Variants in NECAB1 observed in about 807,000 individuals in gnomAD.
The protein encoded by NECAB1 is N-terminal EF-hand calcium-binding protein 1.
In NECAB1, 29 loss-of-function variants were observed where a neutral mutation model predicts 57.5. The observed-to-expected ratio is 0.50, with a 90% confidence interval of 0.38 to 0.69. NECAB1 has a LOEUF of 0.69. Ranked by LOEUF, NECAB1 falls within the 30% of genes least tolerant of loss-of-function variation. The pLI is 0.00. For missense variants in NECAB1, 372 were observed against 413.8 expected, an observed-to-expected ratio of 0.90 and a Z score of 0.88; for synonymous variants, 142 against 147.7, an observed-to-expected ratio of 0.96 and a Z score of 0.28.
intron 2 of NECAB1, among the ~76,000 whole-genome samples, chr8:90,821,922 T>C (rs151237504): frequency 9.5e-4 from 145 of 151,962 alleles, no homozygotes; most frequent in African/African-American, 3.0e-3. Flanking sequence ...ATCCCAAGAC[T>C]GTGGTCTAAG....
chr8:90,890,601 A>T (rs1452305777), intron 5 of NECAB1, among the ~76,000 whole-genome samples: 1 of 152,224 alleles, frequency 6.6e-6, no homozygotes, highest in African/African-American at 2.4e-5. Context: ...GCCAAAACAC[A>T]TATAACAAGA....
chr8:90,795,374 C>G (rs1051585512), intron 1 of NECAB1, among the ~76,000 whole-genome samples: 3 of 152,138 alleles, frequency 2.0e-5, no homozygotes, highest in Non-Finnish European at 4.4e-5. Flanking sequence ...AGTGACTGTT[C>G]CCCACTTCAC....
At chr8:90,876,009 CAAA>C (rs1325041330) in intron 4 of NECAB1, among the ~76,000 whole-genome samples, 1 of 151,746 alleles carries the variant, frequency 6.6e-6, no homozygotes, top group Non-Finnish European at 1.5e-5. Flanking sequence ...GACTCTGTCT[CAAA>C]AAATAATAAT....
At chr8:90,938,370 T>C (rs892330300) in intron 9 of NECAB1, among the ~76,000 whole-genome samples, 7 of 152,194 alleles carry the variant, frequency 4.6e-5, no homozygotes, top group African/African-American at 1.7e-4. Context: ...GACAGAGTGC[T>C]CTGAGCTAAC....
chr8:90,935,666 T>G (rs943307219), intron 9 of NECAB1, among the ~76,000 whole-genome samples: 6 of 152,264 alleles, frequency 3.9e-5, no homozygotes, highest in Middle Eastern at 6.8e-3. Context: ...TTATCTAATG[T>G]TGTGAGAGAT....
At chr8:90,824,513 A>T (rs1398242291) in intron 2 of NECAB1, among the ~76,000 whole-genome samples, 1 of 151,872 alleles carries the variant, frequency 6.6e-6, no homozygotes, top group Non-Finnish European at 1.5e-5. Context: ...TTGTAGACTT[A>T]TATTTTATTA....
chr8:90,799,164 T>C (rs1811719786), intron 1 of NECAB1, among the ~76,000 whole-genome samples: 1 of 152,166 alleles, frequency 6.6e-6, no homozygotes, highest in Non-Finnish European at 1.5e-5. Context: ...TTTTGTTTTT[T>C]GAAATATAAT....
intron 8 of NECAB1, among the ~76,000 whole-genome samples, chr8:90,931,943 CA>C (rs530582789): frequency 0.032 from 4,839 of 150,724 alleles, 248 homozygotes; most frequent in African/African-American, 0.11. Flanking sequence ...AAATAAAAAA[CA>C]AAAAAAAACC....
intron 3 of NECAB1, among the ~76,000 whole-genome samples, chr8:90,836,786 G>A (rs1812376561): frequency 6.6e-6 from 1 of 152,126 alleles, no homozygotes; most frequent in Non-Finnish European, 1.5e-5. Flanking sequence ...TTATTAATCT[G>A]CAGTGATATC....
chr8:90,923,071 T>C (rs190043962), intron 6 of NECAB1, among the ~76,000 whole-genome samples: 59 of 152,302 alleles, frequency 3.9e-4, no homozygotes, highest in Non-Finnish European at 7.6e-4. Flanking sequence ...GAAGCCAAGA[T>C]ACAATATATT....
rs373745793 is a variant in NECAB1, at chr8:90,793,787, G to A, written c.99+1802G>A. On this transcript the variant is annotated intron_variant, in intron 1 of 12. Transcript: ENST00000417640. Reference sequence around the variant, plus strand: ...TTTTAAAAAGCACTTAACAAACCCCGGTGATAGTGTGGAGATGAATGGATT... The same window carrying A: ...TTTTAAAAAGCACTTAACAAACCCCAGTGATAGTGTGGAGATGAATGGATT... 5.9e-5 allele frequency among the ~76,000 whole-genome samples: 9 copies of A among 152,266 alleles called. No individual in the cohort carries two copies. In the East Asian group the frequency reaches 1.7e-3, roughly 29 times the overall value.
At chr8:90,792,279 A>G (rs1287342843) in intron 1 of NECAB1, among the ~76,000 whole-genome samples, 3 of 152,210 alleles carry the variant, frequency 2.0e-5, no homozygotes, top group Non-Finnish European at 4.4e-5. Context: ...TTGAGTGCAT[A>G]GGACATTTTA....
chr8:90,814,456 C>G (rs1029987036), intron 2 of NECAB1, among the ~76,000 whole-genome samples: 6 of 152,182 alleles, frequency 3.9e-5, no homozygotes, highest in African/African-American at 9.7e-5. Context: ...GAGTTATGCT[C>G]TACCTCTTTG....
intron 5 of NECAB1, among the ~76,000 whole-genome samples, chr8:90,907,249 G>C (rs1350908653): frequency 1.3e-5 from 2 of 149,670 alleles, no homozygotes; most frequent in Admixed American, 6.7e-5. Flanking sequence ...TATTTTTCCA[G>C]ATGACCATTA....
chr8:90,821,129 G>T (rs190416108), intron 2 of NECAB1, among the ~76,000 whole-genome samples: 42 of 151,566 alleles, frequency 2.8e-4, no homozygotes, highest in Non-Finnish European at 5.0e-4. Context: ...AGCCCCCATC[G>T]CCCATTGACT....
At chr8:90,916,879 A>G (rs565208999) in intron 5 of NECAB1, among the ~76,000 whole-genome samples, 2 of 152,324 alleles carry the variant, frequency 1.3e-5, no homozygotes, top group South Asian at 4.1e-4. Flanking sequence ...CTAGAAGTTA[A>G]TTGTCAATGA....
At chr8:90,800,397 T>C (rs1443435743) in intron 1 of NECAB1, among the ~76,000 whole-genome samples, 3 of 152,168 alleles carry the variant, frequency 2.0e-5, no homozygotes, top group Non-Finnish European at 4.4e-5. Flanking sequence ...CCAGTTCTAG[T>C]TCTAGCATTC....
intron 5 of NECAB1, among the ~76,000 whole-genome samples, chr8:90,883,234 C>G (rs191590216): frequency 6.6e-6 from 1 of 151,720 alleles, no homozygotes; most frequent in Non-Finnish European, 1.5e-5. Flanking sequence ...AAACATATGT[C>G]TCTGATTTAA....
At chr8:90,948,641 G>A (rs1055874610) in intron 10 of NECAB1, among the ~76,000 whole-genome samples, 1 of 152,120 alleles carries the variant, frequency 6.6e-6, no homozygotes, top group Non-Finnish European at 1.5e-5. Context: ...CCATTAGGCT[G>A]AACAATCTGT....
Sources: gnomAD v4.1 joint callset for allele counts (sites outside exome capture counted in the v4.1 genomes callset) on GRCh38, gnomAD v4.1.1 for gene constraint, MANE v1.5 for transcripts, NCBI Gene and HGNC (gene_info 2026-07-23, HGNC 2026-07-21) for gene names.